Variants in UBR4 observed in about 807,000 individuals in gnomAD.
UBR4 encodes E3 ubiquitin-protein ligase UBR4.
Under a neutral mutation model 575.6 loss-of-function variants are expected in UBR4, and 124 were observed. That is an observed-to-expected ratio of 0.22 (90% CI 0.19 to 0.25). The LOEUF (loss-of-function observed/expected upper bound fraction) is 0.25. Ranked by LOEUF, UBR4 falls within the 10% of genes least tolerant of loss-of-function variation. UBR4 has a pLI of 1.00. For synonymous variants in UBR4, 2,455 were observed against 2,473.7 expected, an observed-to-expected ratio of 0.99 and a Z score of 0.22; for missense variants, 4,818 against 6,478.8, an observed-to-expected ratio of 0.74 and a Z score of 8.80.
intron 17 of UBR4, among the ~76,000 whole-genome samples, chr1:19,182,111 A>G (rs1307234861): frequency 6.6e-6 from 1 of 152,198 alleles, no homozygotes. Flanking sequence ...CGGTTTATCC[A>G]TGTTGTAGCA....
chr1:19,140,445 GTC>G (rs2083741997), intron 58 of UBR4, among the ~76,000 whole-genome samples: 1 of 152,170 alleles, frequency 6.6e-6, no homozygotes, highest in Non-Finnish European at 1.5e-5. Flanking sequence ...TCTATTTCTT[GTC>G]TCTCTTTTAA....
chr1:19,194,479 TTC>T (rs1318863029), intron 8 of UBR4, among the ~76,000 whole-genome samples: 1 of 152,064 alleles, frequency 6.6e-6, no homozygotes, highest in Non-Finnish European at 1.5e-5. Flanking sequence ...AACACTAAGA[TTC>T]TGTCTCTTTT....
In UBR4 at chr1:19,124,738, T is replaced by A. The variant is rs753531051; in HGVS notation, c.9439-48A>T. 3 of 1,592,814 alleles carry A rather than the reference T, an allele frequency of 1.9e-6. No homozygotes were observed. The Admixed American group carries it at 5.3e-5, about 28-fold the overall frequency. ...AGAACCTGTGACTATCGATTTTCCA[T>A]GACCACAATTAGGAAAAAGCCTGGC... On this transcript the variant is annotated intron_variant, in intron 64 of 105. Transcript: ENST00000375254.
chr1:19,098,762 G>A (rs144518400), intron 90 of UBR4, among the ~76,000 whole-genome samples: 40 of 152,310 alleles, frequency 2.6e-4, no homozygotes, highest in South Asian at 8.3e-4. Flanking sequence ...TCTACAAATA[G>A]TATACTGCCA....
At chr1:19,185,426 T>A in intron 14 of UBR4, 140 bp from the exon 15 acceptor site, 1 of 794,036 alleles carries the variant, frequency 1.3e-6, no homozygotes. Flanking sequence ...TGCATTTGTG[T>A]ATCAAAACTC....
Position 19,161,055 on chromosome 1 carries a change from C to T in UBR4, c.5268G>A (p.Val1756=). The change falls in exon 38 of 106, where the codon GTG becomes GTA. Residue 1756 remains valine, a synonymous_variant. Coordinates refer to ENST00000375254, the MANE Select transcript of UBR4 (RefSeq NM_020765.3). ...QSEPRISESL[V]RHASTSSPAD... Reference sequence around the variant, plus strand: ...CTGGCGAGGAGGTGCTGGCATGACGCACTAGACTCTCTGAAATCCTGGGTT... The same window carrying T: ...CTGGCGAGGAGGTGCTGGCATGACGTACTAGACTCTCTGAAATCCTGGGTT... The T allele has an allele frequency of 6.2e-7, 1 of 1,614,128 alleles. No homozygotes were observed. The highest frequency in any genetic ancestry group is 2.2e-5 in the East Asian group (1 of 44,878).
intron 49 of UBR4, among the ~76,000 whole-genome samples, chr1:19,150,227 G>C (rs571568210): frequency 6.6e-6 from 1 of 152,270 alleles, no homozygotes; most frequent in South Asian, 2.1e-4. Context: ...GAATGGAAGG[G>C]AGGATGTTTT....
In UBR4 at chr1:19,118,869, C is replaced by T; in HGVS notation, c.10541+3G>A. 1.2e-6 allele frequency: 2 copies of T among 1,614,108 alleles called. No homozygotes were observed. The highest frequency in any genetic ancestry group is 1.7e-6 in the Non-Finnish European group (2 of 1,179,990). On this transcript the variant is annotated splice_donor_region_variant and intron_variant, in intron 71 of 105. Transcript: ENST00000375254. ...CACAGGTAGAAAGCAAAACAAAGCTCACTTATAAATGTTCGAGTTGGGGTG... is the reference window on the plus strand; with the variant it reads ...CACAGGTAGAAAGCAAAACAAAGCTTACTTATAAATGTTCGAGTTGGGGTG...
intron 53 of UBR4, 112 bp downstream of exon 53, chr1:19,145,681 G>A: frequency 7.4e-7 from 1 of 1,348,240 alleles, no homozygotes; most frequent in South Asian, 1.5e-5. Context: ...TATGAGTTCT[G>A]GAAGAAATGG....
At position 19,137,877 on chromosome 1, in the gene UBR4, T is replaced by C. The variant is rs947400764; in HGVS notation, c.8906+130A>G. The C allele has an allele frequency of 4.8e-6, 5 of 1,047,118 alleles. No homozygotes were observed. The African/African-American group carries it at 8.2e-5, about 17-fold the overall frequency. 64.9% of individuals were successfully genotyped at this position (1,047,118 alleles called of 1,614,324 possible). On this transcript the variant is annotated intron_variant, in intron 60 of 105. Coordinates refer to ENST00000375254, the MANE Select transcript of UBR4 (RefSeq NM_020765.3). ...CTAAGACTTTAAACTGTTTCAGAAG[T>C]TTACACCTTTATATTTCAAAAGAAA...
At chr1:19,156,133 C>T in intron 42 of UBR4, 138 bp downstream of exon 42, 1 of 1,203,864 alleles carries the variant, frequency 8.3e-7, no homozygotes. Flanking sequence ...CTCAGCCTTC[C>T]AAGTAGCTGG....
intron 11 of UBR4, among the ~76,000 whole-genome samples, chr1:19,190,444 G>C (rs909173201): frequency 2.0e-5 from 3 of 151,646 alleles, no homozygotes; most frequent in African/African-American, 7.3e-5. Context: ...AGGGTAATTT[G>C]TTAATGCAGT....
chr1:19,074,570 CTGGCCGGGACAACTCA>C lies in UBR4; in HGVS notation c.*246_*261del. 1.9e-6 allele frequency: 1 copy of C among 524,544 alleles called. No individual in the cohort carries two copies. The highest frequency in any genetic ancestry group is 3.2e-5 in the East Asian group (1 of 31,368). 32.5% of individuals were successfully genotyped at this position (524,544 alleles called of 1,614,324 possible). On this transcript the variant is annotated 3_prime_UTR_variant, in exon 106 of 106. Transcript: ENST00000375254. ...AAGATGTGCACACTCAAGTATGAAGCTGGCCGGGACAACTCATGGCTCCTAGGTATGTACAGGCCCT... is the reference window on the plus strand; with the variant it reads ...AAGATGTGCACACTCAAGTATGAAGCTGGCTCCTAGGTATGTACAGGCCCT...
chr1:19,125,132 C>T (rs1557685146), intron 64 of UBR4, among the ~76,000 whole-genome samples: 1 of 152,168 alleles, frequency 6.6e-6, no homozygotes, highest in Non-Finnish European at 1.5e-5. Context: ...TGGGCAAGAT[C>T]ACTAAACTCA....
chr1:19,192,215 C>A lies in UBR4; in HGVS notation c.1367G>T (p.Gly456Val). 1 of 1,614,064 alleles carries A rather than the reference C, an allele frequency of 6.2e-7. No homozygotes were observed. Among genetic ancestry groups the A allele is most frequent in the Admixed American group, 1.7e-5 (1 of 60,006 alleles). The change falls in exon 11 of 106, where the codon GGC becomes GTC. Residue 456 changes from glycine (G) to valine (V), a missense_variant. By Grantham distance (109) the Gly-to-Val change is moderately radical. Around this residue, in one of 29 missense-constraint regions of UBR4, gnomAD observed 162 missense variants for 216.4 expected, o/e 0.75. Transcript: ENST00000375254. Reference sequence around the variant, plus strand: ...TTTTCCAGGCCCCAGTTTAGGGGAGCCCACTCCCTCTTTAGTACGAGAAAG... The same window carrying A: ...TTTTCCAGGCCCCAGTTTAGGGGAGACCACTCCCTCTTTAGTACGAGAAAG... ...DILSRTKEGV[G>V]SPKLGPGKGH... is the part of the protein sequence containing the mutation.
At position 19,197,407 on chromosome 1, in the gene UBR4, T is replaced by C. The variant is rs192718696; in HGVS notation, c.894-142A>G. On this transcript the variant is annotated intron_variant, in intron 7 of 105. Transcript: ENST00000375254. The stretch of plus-strand genomic sequence containing the variant: ...ACTTCAGGAGGCCAAGGCAGGAGGA[T>C]TGCTTGAGCCCAGGAGTTCAAGACC... 1,903 of 1,271,586 alleles carry C rather than the reference T, an allele frequency of 1.5e-3. 2 individuals carry two copies. Among genetic ancestry groups the C allele is most frequent in the Non-Finnish European group, 1.9e-3 (1,780 of 926,976 alleles). 78.8% of individuals were successfully genotyped at this position (1,271,586 alleles called of 1,614,324 possible).
chr1:19,163,960 A>C, intron 33 of UBR4, 133 bp from the exon 34 acceptor site: 2 of 967,364 alleles, frequency 2.1e-6, no homozygotes, highest in Non-Finnish European at 3.2e-6. Flanking sequence ...AGAAAACTCC[A>C]TAAGTACTAT....
Position 19,166,956 on chromosome 1 carries a change from G to A in UBR4, c.4109+66C>T, listed in dbSNP as rs180783226. 60 of 1,538,066 alleles carry A rather than the reference G, an allele frequency of 3.9e-5. 1 individual carries two copies. The Admixed American group carries it at 9.9e-4, about 25-fold the overall frequency. On this transcript the variant is annotated intron_variant, in intron 29 of 105. Transcript: ENST00000375254. ...CTATTAATGACCTAAAGGCAGCAGTGTTAGTACATTTCACTGATAGCAGCA... is the reference window on the plus strand; with the variant it reads ...CTATTAATGACCTAAAGGCAGCAGTATTAGTACATTTCACTGATAGCAGCA...
chr1:19,177,531 G>C lies in UBR4; in HGVS notation c.2567C>G (p.Ala856Gly), dbSNP rs1302703389. Residue 856 changes from alanine (A) to glycine (G), a missense_variant, in exon 19 of 106, where the codon GCT (alanine) becomes GGT (glycine). By Grantham distance (60) the Ala-to-Gly change is moderately conservative. This residue lies in a region of UBR4 where 1,172 missense variants were observed against 1,259.7 expected (regional missense o/e 0.93). Transcript: ENST00000375254. ...AQMRFVPLILARLLLIFDYLL... is the reference protein window; with the variant it reads ...AQMRFVPLILGRLLLIFDYLL... ...ATAATCAAAGATGAGAAGGAGGCGA[G>C]CCAAGATAAGCGGCACGAAGCGCAT... is the stretch of plus-strand genomic sequence containing the variant. 2.5e-6 allele frequency: 4 copies of C among 1,614,094 alleles called. No individual in the cohort carries two copies. The Admixed American group carries it at 6.7e-5, about 27-fold the overall frequency.
Sources: gnomAD v4.1 joint callset for allele counts (sites outside exome capture counted in the v4.1 genomes callset) on GRCh38, gnomAD v4.1.1 for gene constraint, gnomAD v4.1.1 regional missense constraint, MANE v1.5 for transcripts, NCBI Gene and HGNC (gene_info 2026-07-23, HGNC 2026-07-21) for gene names.